FASTKD1: variants seen among roughly 807,000 people sequenced by gnomAD.
The protein encoded by FASTKD1 is FAST kinase domain-containing protein 1, mitochondrial.
Under a neutral mutation model 90.9 loss-of-function variants are expected in FASTKD1, and 94 were observed. The ratio of observed to expected loss-of-function variants is 1.03; its 90% CI spans 0.88 to 1.23. FASTKD1 has a LOEUF of 1.23. FASTKD1 is among the 50% of genes most tolerant of loss of function. The pLI, the probability that FASTKD1 is intolerant of heterozygous loss-of-function variation, is 0.00. For synonymous variants in FASTKD1, 319 were observed against 345.8 expected, an observed-to-expected ratio of 0.92 and a Z score of 0.86; for missense variants, 945 against 993.5, an observed-to-expected ratio of 0.95 and a Z score of 0.66.
At chr2:169,557,449 C>T (rs746920943) in intron 5 of FASTKD1, 152 bp from the exon 6 acceptor site, 8 of 461,808 alleles carry the variant, frequency 1.7e-5, no homozygotes, top group Admixed American at 1.2e-4. Context: ...CCACATTACT[C>T]GAATATAAAA....
intron 3 of FASTKD1, 139 bp downstream of exon 3, chr2:169,569,045 A>G (rs1421326992): frequency 1.4e-6 from 1 of 734,564 alleles, no homozygotes; most frequent in Non-Finnish European, 2.3e-6. Context: ...CAAAAACTTT[A>G]AAACTAAACT....
chr2:169,560,190 A>C (rs1025204738), intron 5 of FASTKD1, 197 bp downstream of exon 5: 20 of 354,818 alleles, frequency 5.6e-5, no homozygotes, highest in Non-Finnish European at 9.6e-5. Context: ...CTTTCAGAAC[A>C]CAGCAACAGA....
At chr2:169,533,003 A>G (rs536416521) in intron 12 of FASTKD1, among the ~76,000 whole-genome samples, 21 of 152,126 alleles carry the variant, frequency 1.4e-4, no homozygotes, top group South Asian at 8.3e-4. Flanking sequence ...TAAATGTTCA[A>G]TTTTATCTAA....
In FASTKD1 at chr2:169,537,255, C is replaced by T. The variant is rs372027328; in HGVS notation, c.2160G>A (p.Ser720=). The change falls in exon 12 of 15, where the codon TCG becomes TCA. Residue 720 remains serine (S), a synonymous_variant. Coordinates refer to ENST00000453153, the MANE Select transcript of FASTKD1 (RefSeq NM_024622.6). ...CTTTGTGGTAATAAGGCGTAAGAAC[C>T]GAGGCTTTTACACAATTGATTCCTC... is the stretch of plus-strand genomic sequence containing the variant. ...VLGGINCVKA[S]VLTPYYHKVD... is the part of the protein sequence containing the mutation. 10 of 1,612,326 alleles carry T rather than the reference C, an allele frequency of 6.2e-6. No individual in the cohort carries two copies. The highest frequency in any genetic ancestry group is 4.5e-5 in the East Asian group (2 of 44,824).
chr2:169,563,756 C>T (rs1327485620), intron 3 of FASTKD1, among the ~76,000 whole-genome samples: 1 of 151,956 alleles, frequency 6.6e-6, no homozygotes, highest in East Asian at 1.9e-4. Flanking sequence ...ACTTTGAATT[C>T]ACTAAAAAAC....
intron 5 of FASTKD1, among the ~76,000 whole-genome samples, chr2:169,558,649 C>A (rs934656124): frequency 1.3e-5 from 2 of 152,066 alleles, no homozygotes; most frequent in African/African-American, 4.8e-5. Context: ...CGGGGTTTCA[C>A]CATGTTGGCC....
At chr2:169,571,521 G>A in intron 2 of FASTKD1, 132 bp downstream of exon 2, 1 of 591,142 alleles carries the variant, frequency 1.7e-6, no homozygotes, top group Admixed American at 3.5e-5. Flanking sequence ...CCGAGATCAT[G>A]CCACTGCACT....
intron 9 of FASTKD1, among the ~76,000 whole-genome samples, chr2:169,540,464 A>G (rs1684916555): frequency 6.6e-6 from 1 of 152,224 alleles, no homozygotes; most frequent in Admixed American, 6.5e-5. Context: ...GTATTATACT[A>G]AAGTTATACG....
chr2:169,557,139 G>T, intron 6 of FASTKD1, 48 bp downstream of exon 6: 2 of 1,192,056 alleles, frequency 1.7e-6, no homozygotes, highest in Non-Finnish European at 2.5e-6. Flanking sequence ...AAAAATAGGT[G>T]CTTGTGAATG....
rs1685206377 is a variant in FASTKD1, at chr2:169,546,504, A to G, written c.1415T>C (p.Met472Thr). The change falls in exon 8 of 15, where the codon ATG becomes ACG. Residue 472 changes from methionine to threonine, a missense_variant. Transcript: ENST00000453153. ...IQHDHMYLDN[M>T]TAKQLKLLQK... is the part of the protein sequence containing the mutation. ...AAGTAGTTTCAGTTGTTTCGCAGTCATATTATCCAAATACATGTGATCATG... is the reference window on the plus strand; with the variant it reads ...AAGTAGTTTCAGTTGTTTCGCAGTCGTATTATCCAAATACATGTGATCATG... 1.9e-6 allele frequency: 3 copies of G among 1,614,144 alleles called. No individual in the cohort carries two copies. The highest frequency in any genetic ancestry group is 2.5e-6 in the Non-Finnish European group (3 of 1,180,030).
At chr2:169,531,094 C>T (rs1458377455) in intron 13 of FASTKD1, 12 of 708,852 alleles carry the variant, frequency 1.7e-5, no homozygotes, top group Middle Eastern at 2.4e-4. Flanking sequence ...GGTATGGGAG[C>T]GCAAAAGAAG....
chr2:169,554,143 T>C (rs1248268534), intron 7 of FASTKD1, among the ~76,000 whole-genome samples: 2 of 148,178 alleles, frequency 1.3e-5, no homozygotes, highest in Non-Finnish European at 3.0e-5. Flanking sequence ...TTGGTAGCAC[T>C]ACTACTTGGG....
intron 7 of FASTKD1, among the ~76,000 whole-genome samples, chr2:169,553,282 A>AAC: frequency 6.7e-6 from 1 of 149,554 alleles, no homozygotes; most frequent in East Asian, 1.9e-4. Flanking sequence ...AAAAAAAAAA[A>AAC]AAAAAAACCC....
chr2:169,540,755 T>C (rs190269304), intron 9 of FASTKD1, among the ~76,000 whole-genome samples: 1 of 151,948 alleles, frequency 6.6e-6, no homozygotes, highest in African/African-American at 2.4e-5. Context: ...CAGCGGAGAG[T>C]AGGGTTTAAC....
At chr2:169,537,480 G>A (rs1684777600) in intron 11 of FASTKD1, 140 bp from the exon 12 acceptor site, 2 of 509,092 alleles carry the variant, frequency 3.9e-6, no homozygotes, top group Non-Finnish European at 6.9e-6. Context: ...TGCCTCCCCA[G>A]TTCAAGCAAT....
At chr2:169,532,394 G>A (rs1292573925) in intron 12 of FASTKD1, among the ~76,000 whole-genome samples, 2 of 140,778 alleles carry the variant, frequency 1.4e-5, no homozygotes, top group Admixed American at 7.5e-5. Context: ...CTAGGCAGCA[G>A]AGCCAGACAA....
At position 169,563,312 on chromosome 2, in the gene FASTKD1, A is replaced by G; in HGVS notation, c.485T>C (p.Leu162Pro). 1 of 1,610,168 alleles carries G rather than the reference A, an allele frequency of 6.2e-7. No homozygotes were observed. ...ACTAAAATACAAATGCTGATCTGCT[A>G]GGCAAGAGGAAAATTCTGAGAGCAG... ...IKLLSEFSSC[L>P]ADQHLYFSPL... The change falls in exon 4 of 15, where the codon CTA becomes CCA. Residue 162 changes from leucine (L) to proline (P), a missense_variant. By Grantham distance (98) the Leu-to-Pro change is moderately conservative. Transcript: ENST00000453153.
intron 4 of FASTKD1, among the ~76,000 whole-genome samples, chr2:169,561,106 C>A (rs561961858): frequency 3.3e-5 from 5 of 151,202 alleles, no homozygotes; most frequent in African/African-American, 1.2e-4. Context: ...TGAGACCAGC[C>A]TGGCAACATG....
At chr2:169,538,913 G>C (rs1435471468) in intron 10 of FASTKD1, among the ~76,000 whole-genome samples, 1 of 152,012 alleles carries the variant, frequency 6.6e-6, no homozygotes, top group Non-Finnish European at 1.5e-5. Flanking sequence ...TCAAAATATA[G>C]TTAGATGGAA....
Sources: gnomAD v4.1 joint callset for allele counts (sites outside exome capture counted in the v4.1 genomes callset) on GRCh38, gnomAD v4.1.1 for gene constraint, MANE v1.5 for transcripts, NCBI Gene and HGNC (gene_info 2026-07-23, HGNC 2026-07-21) for gene names.